Variants in ARHGAP42 observed in about 807,000 individuals in gnomAD.
The protein encoded by ARHGAP42 is Rho GTPase activating protein 42.
In ARHGAP42, 63 loss-of-function variants were observed where a neutral mutation model predicts 125.0. That is an observed-to-expected ratio of 0.50 (90% CI 0.41 to 0.62). The LOEUF is 0.62. ARHGAP42 is among the 20% of genes least tolerant of loss of function. The probability of loss-of-function intolerance (pLI) is 0.00; values close to 1 mark genes in which losing one functional copy is unlikely to be tolerated. For missense variants in ARHGAP42, 766 were observed against 1,024.2 expected, an observed-to-expected ratio of 0.75 and a Z score of 3.44; for synonymous variants, 339 against 351.0, an observed-to-expected ratio of 0.97 and a Z score of 0.38.
intron 3 of ARHGAP42, among the ~76,000 whole-genome samples, chr11:100,803,231 A>G (rs1429511008): frequency 2.0e-5 from 3 of 149,514 alleles, no homozygotes; most frequent in African/African-American, 4.9e-5. Context: ...AAAAAATTGG[A>G]TAGATTTAGA....
chr11:100,789,925 T>C (rs1227310772), intron 2 of ARHGAP42, among the ~76,000 whole-genome samples: 1 of 152,232 alleles, frequency 6.6e-6, no homozygotes, highest in African/African-American at 2.4e-5. Context: ...TGTCTGATTA[T>C]GATATAAATG....
At chr11:100,828,342 C>T (rs1864575878) in intron 3 of ARHGAP42, among the ~76,000 whole-genome samples, 1 of 152,122 alleles carries the variant, frequency 6.6e-6, no homozygotes, top group Non-Finnish European at 1.5e-5. Flanking sequence ...ATTTCAAGCC[C>T]TCAGAGCTGA....
chr11:100,785,251 A>C (rs1863405338), intron 2 of ARHGAP42, among the ~76,000 whole-genome samples: 1 of 152,188 alleles, frequency 6.6e-6, no homozygotes, highest in Non-Finnish European at 1.5e-5. Flanking sequence ...GAAGAGAATG[A>C]ATAAAGACAG....
chr11:100,713,780 T>C (rs1861603312), intron 1 of ARHGAP42, among the ~76,000 whole-genome samples: 1 of 152,212 alleles, frequency 6.6e-6, no homozygotes, highest in Non-Finnish European at 1.5e-5. Flanking sequence ...ATTTGTTTTT[T>C]TGGAATTATT....
intron 3 of ARHGAP42, chr11:100,840,652 T>C (rs1052085794): frequency 2.0e-5 from 3 of 152,082 alleles, no homozygotes; most frequent in Non-Finnish European, 4.4e-5. Flanking sequence ...AAAAAGGAGA[T>C]GGATTTATTT....
At chr11:100,948,605 T>A in intron 11 of ARHGAP42, 70 bp downstream of exon 11, 1 of 1,229,738 alleles carries the variant, frequency 8.1e-7, no homozygotes, top group Non-Finnish European at 1.1e-6. Context: ...GAAATTCTTT[T>A]CATAGTATAC....
chr11:100,920,616 A>G (rs1867211494), intron 5 of ARHGAP42, among the ~76,000 whole-genome samples: 1 of 152,136 alleles, frequency 6.6e-6, no homozygotes, highest in East Asian at 1.9e-4. Context: ...CTGCTAAGCT[A>G]AAGTCACTTT....
At chr11:100,719,678 G>T (rs1358664740) in intron 1 of ARHGAP42, among the ~76,000 whole-genome samples, 2 of 152,070 alleles carry the variant, frequency 1.3e-5, no homozygotes, top group African/African-American at 2.4e-5. Context: ...GTGTGTGTGT[G>T]TTGTGTGTGC....
chr11:100,918,859 T>C (rs1867155836), intron 5 of ARHGAP42, among the ~76,000 whole-genome samples: 1 of 152,090 alleles, frequency 6.6e-6, no homozygotes, highest in African/African-American at 2.4e-5. Context: ...CTCATTCCCC[T>C]TTTTGGAGGG....
chr11:100,753,421 T>C (rs547414889), intron 1 of ARHGAP42, among the ~76,000 whole-genome samples: 1 of 152,328 alleles, frequency 6.6e-6, no homozygotes, highest in East Asian at 1.9e-4. Context: ...TTTCAGGCAA[T>C]GCCACTCCTC....
intron 4 of ARHGAP42, among the ~76,000 whole-genome samples, chr11:100,904,536 C>T (rs1426387499): frequency 1.3e-5 from 2 of 152,128 alleles, no homozygotes; most frequent in African/African-American, 2.4e-5. Flanking sequence ...CATGAGCCAC[C>T]ATGCCCGGAC....
At chr11:100,891,665 A>T (rs944515729) in intron 4 of ARHGAP42, among the ~76,000 whole-genome samples, 36 of 151,808 alleles carry the variant, frequency 2.4e-4, no homozygotes, top group African/African-American at 8.7e-4. Flanking sequence ...CTGGCCTCAA[A>T]CTCCTGACCT....
chr11:100,699,521 T>TACA (rs1565533048), intron 1 of ARHGAP42, among the ~76,000 whole-genome samples: 18 of 95,284 alleles, frequency 1.9e-4, no homozygotes, highest in Admixed American at 6.8e-4. Flanking sequence ...TTTTTTTTTT[T>TACA]TTTTTTTTTT....
intron 3 of ARHGAP42, among the ~76,000 whole-genome samples, chr11:100,849,636 A>C (rs913972194): frequency 6.6e-6 from 1 of 151,964 alleles, no homozygotes; most frequent in Non-Finnish European, 1.5e-5. Context: ...TGGCTTATTC[A>C]ATCAAGGAAT....
chr11:100,918,254 A>G lies in ARHGAP42; in HGVS notation c.487-3240A>G, dbSNP rs114042164. Among the ~76,000 whole-genome samples, 1,110 of 152,202 alleles carry G rather than the reference A, an allele frequency of 7.3e-3. 18 individuals carry two copies. The highest frequency in any genetic ancestry group is 0.025 in the African/African-American group (1,038 of 41,546). On this transcript the variant is annotated intron_variant, in intron 5 of 23. Coordinates refer to ENST00000298815, the MANE Select transcript of ARHGAP42 (RefSeq NM_152432.4). ...TTTCCTGACTCTATCACATCACTCA[A>G]ACTCTTCTCATTTTATCTGTTCCTC...
chr11:100,788,664 A>G (rs1863491714), intron 2 of ARHGAP42, among the ~76,000 whole-genome samples: 1 of 152,224 alleles, frequency 6.6e-6, no homozygotes, highest in African/African-American at 2.4e-5. Context: ...TGCAGAGTGG[A>G]TGGCCTATCA....
intron 11 of ARHGAP42, among the ~76,000 whole-genome samples, chr11:100,948,994 A>G (rs474651): frequency 0.88 from 134,013 of 152,104 alleles, 59,129 homozygotes; most frequent in East Asian, 1. Context: ...ACTTCCATAC[A>G]TATCCCCATT....
At chr11:100,808,446 C>T (rs1028660151) in intron 3 of ARHGAP42, among the ~76,000 whole-genome samples, 8 of 145,788 alleles carry the variant, frequency 5.5e-5, no homozygotes, top group East Asian at 2.0e-4. Context: ...TCGCCCAGGC[C>T]GGACTGCGGA....
At chr11:100,832,518 G>A (rs943170300) in intron 3 of ARHGAP42, among the ~76,000 whole-genome samples, 1 of 152,162 alleles carries the variant, frequency 6.6e-6, no homozygotes, top group Admixed American at 6.5e-5. Flanking sequence ...AAATCTAAAA[G>A]TCTTCCTAAC....
Sources: gnomAD v4.1 joint callset for allele counts (sites outside exome capture counted in the v4.1 genomes callset) on GRCh38, gnomAD v4.1.1 for gene constraint, MANE v1.5 for transcripts, NCBI Gene and HGNC (gene_info 2026-07-23, HGNC 2026-07-21) for gene names.